The following DRC7 variants were observed in gnomAD, a reference collection of about 807,000 sequenced individuals.
DRC7 encodes the protein dynein regulatory complex subunit 7, also known as coiled-coil domain containing 135.
A neutral mutation model predicts 104.4 loss-of-function variants in DRC7; 80 were observed. The observed-to-expected ratio is 0.77, with a 90% confidence interval of 0.64 to 0.92. The LOEUF is 0.92. Ranked by LOEUF, DRC7 falls within the 40% of genes least tolerant of loss-of-function variation. The probability of loss-of-function intolerance (pLI) is 0.00; values close to 1 mark genes in which losing one functional copy is unlikely to be tolerated. For missense variants in DRC7, 1,034 were observed against 1,141.1 expected (o/e 0.91, Z 1.35); for synonymous variants, 405 against 447.3 (o/e 0.91, Z 1.19).
intron 3 of DRC7, among the ~76,000 whole-genome samples, chr16:57,698,501 A>G (rs746072865): frequency 4.6e-5 from 7 of 151,032 alleles, no homozygotes; most frequent in Non-Finnish European, 8.9e-5. Flanking sequence ...AGCCCGGGCA[A>G]CATAGCAAGA....
intron 1 of DRC7, among the ~76,000 whole-genome samples, chr16:57,696,002 G>C (rs756719920): frequency 1.3e-5 from 2 of 152,228 alleles, no homozygotes; most frequent in African/African-American, 4.8e-5. Context: ...GGAAGTGGGG[G>C]ATGATTAGAA....
chr16:57,702,865 A>C (rs1429572340), intron 6 of DRC7, among the ~76,000 whole-genome samples: 6 of 152,044 alleles, frequency 3.9e-5, no homozygotes, highest in Non-Finnish European at 8.8e-5. Flanking sequence ...TCTCAGTCCC[A>C]CACTCCCGAG....
chr16:57,728,381 C>T lies in DRC7; in HGVS notation c.2197-9C>T, dbSNP rs752606379. On this transcript the variant is annotated splice_polypyrimidine_tract_variant and intron_variant, in intron 16 of 18. Transcript: ENST00000360716. ...TGCTGATCCAGCTATCTGCCCCTCACCTTTACAGGAGCGCATGATGCACGA... is the reference window on the plus strand; with the variant it reads ...TGCTGATCCAGCTATCTGCCCCTCATCTTTACAGGAGCGCATGATGCACGA... The T allele has an allele frequency of 1.9e-6, 3 of 1,578,750 alleles. No homozygotes were observed. The highest frequency in any genetic ancestry group is 4.5e-5 in the East Asian group (2 of 44,142).
chr16:57,724,651 G>A lies in DRC7; in HGVS notation c.1574G>A (p.Arg525His), dbSNP rs747932271. The A allele has an allele frequency of 5.3e-5, 86 of 1,613,656 alleles. No homozygotes were observed. Among genetic ancestry groups the A allele is most frequent in the Non-Finnish European group, 6.7e-5 (79 of 1,179,920 alleles). The change falls in exon 13 of 19, where the codon CGT becomes CAT. Residue 525 changes from arginine (R) to histidine (H), a missense_variant. Physicochemically the swap from Arg to His is conservative, Grantham distance 29 (BLOSUM62 0). Coordinates refer to ENST00000360716, the MANE Select transcript of DRC7 (RefSeq NM_001289162.2). ...AAGTCCATGCAACCTGAGATGGACC[G>A]TGTCATTGAGTTTTATGAAACGGCC... The part of the protein sequence containing the change: ...SYKSMQPEMD[R>H]VIEFYETARV...
In DRC7 at chr16:57,724,850, G is replaced by A. The variant is rs759132262; in HGVS notation, c.1758+15G>A. The A allele has an allele frequency of 2.5e-6, 4 of 1,602,578 alleles. No homozygotes were observed. Among genetic ancestry groups the A allele is most frequent in the Non-Finnish European group, 3.4e-6 (4 of 1,173,216 alleles). ...GGCCCATTGTGGTAAGAGCTCGCGG[G>A]GGCTGGGGACAGGTCGCCCTCCTTC... On this transcript the variant is annotated intron_variant, in intron 13 of 18. Transcript: ENST00000360716.
At chr16:57,697,859 G>T in intron 2 of DRC7, 54 bp from the exon 3 acceptor site, 1 of 1,530,374 alleles carries the variant, frequency 6.5e-7, no homozygotes, top group Non-Finnish European at 8.8e-7. Context: ...TGGTGTTGGT[G>T]GCTCCTGCCT....
chr16:57,707,828 A>G (rs1448275423), intron 8 of DRC7, 150 bp downstream of exon 8: 6 of 670,684 alleles, frequency 8.9e-6, no homozygotes, highest in Non-Finnish European at 1.6e-5. Flanking sequence ...TCCATGGCCC[A>G]CTCCCTTGCC....
intron 16 of DRC7, among the ~76,000 whole-genome samples, chr16:57,727,903 T>C (rs1447522531): frequency 6.6e-6 from 1 of 152,240 alleles, no homozygotes; most frequent in Non-Finnish European, 1.5e-5. Context: ...GGGCATCAGA[T>C]GACTGTTCTC....
chr16:57,699,553 G>C (rs545189069), intron 4 of DRC7, among the ~76,000 whole-genome samples: 1 of 152,178 alleles, frequency 6.6e-6, no homozygotes, highest in Non-Finnish European at 1.5e-5. Flanking sequence ...AAAAGCCAGA[G>C]CTTAGGTTCT....
rs2049053064 is a variant in DRC7, at chr16:57,730,793, G to A, written c.2392-138G>A. On this transcript the variant is annotated intron_variant, in intron 17 of 18. Coordinates refer to ENST00000360716, the MANE Select transcript of DRC7 (RefSeq NM_001289162.2). The stretch of plus-strand genomic sequence containing the variant: ...TGGCCCCTGCCTCTGTGGCAGGTAT[G>A]GATAGGTGGCTTGTGTGAGTGGGGA... 4 of 864,278 alleles carry A rather than the reference G, an allele frequency of 4.6e-6. No homozygotes were observed. In the Admixed American group the frequency reaches 9.8e-5, roughly 21 times the overall value. 53.5% of individuals were successfully genotyped at this position (864,278 alleles called of 1,614,324 possible).
chr16:57,703,930 G>GCA (rs1402077959), intron 6 of DRC7, among the ~76,000 whole-genome samples: 2 of 126,506 alleles, frequency 1.6e-5, no homozygotes, highest in African/African-American at 6.2e-5. Context: ...TCGCACCATT[G>GCA]CACTCCAGCC....
chr16:57,724,936 C>A, intron 13 of DRC7, 101 bp downstream of exon 13: 1 of 840,930 alleles, frequency 1.2e-6, no homozygotes, highest in Non-Finnish European at 1.9e-6. Flanking sequence ...GCATTAAGGC[C>A]TGAGACATAT....
At chr16:57,700,365 G>A (rs1200867407) in intron 5 of DRC7, 95 bp downstream of exon 5, 2 of 1,471,014 alleles carry the variant, frequency 1.4e-6, no homozygotes, top group Non-Finnish European at 1.8e-6. Flanking sequence ...AATGGACTTA[G>A]AGGCCGGGCG....
intron 10 of DRC7, among the ~76,000 whole-genome samples, 160 bp downstream of exon 10, chr16:57,721,899 C>T (rs552432003): frequency 1.3e-5 from 2 of 152,026 alleles, no homozygotes; most frequent in Non-Finnish European, 2.9e-5. Context: ...TCCCTCCCCC[C>T]TTCCTGCCAC....
In DRC7 at chr16:57,707,333, G is replaced by A. The variant is rs145474624; in HGVS notation, c.859-127G>A. On this transcript the variant is annotated intron_variant, in intron 7 of 18. Transcript: ENST00000360716. ...GAGGGGAGATGGGCCGTCACACTCC[G>A]GTTGATGGTGCAGTCTACATCAGAA... 6.0e-4 allele frequency: 472 copies of A among 781,510 alleles called. 2 individuals are homozygous for A. The East Asian group carries it at 9.9e-3, about 16-fold the overall frequency. 48.4% of individuals were successfully genotyped at this position (781,510 alleles called of 1,614,324 possible). A position where few individuals can be genotyped will look rare whatever the true frequency, so the allele number is the denominator to read the frequency against.
chr16:57,712,664 TTTTTGTTTTG>T (rs386791145), intron 8 of DRC7, among the ~76,000 whole-genome samples: 5 of 134,928 alleles, frequency 3.7e-5, no homozygotes, highest in African/African-American at 6.1e-5. Context: ...CTAAGACTGT[TTTTTGTTTTG>T]TTTTTTTTTT....
intron 4 of DRC7, among the ~76,000 whole-genome samples, 164 bp downstream of exon 4, chr16:57,699,188 G>A (rs968206233): frequency 6.6e-6 from 1 of 152,222 alleles, no homozygotes; most frequent in Admixed American, 6.5e-5. Flanking sequence ...ACGCCAGCAG[G>A]CCTCAGCAGG....
intron 7 of DRC7, among the ~76,000 whole-genome samples, chr16:57,706,600 A>C (rs1597798197): frequency 5.3e-5 from 3 of 56,952 alleles, no homozygotes; most frequent in Admixed American, 2.2e-4. Context: ...CCATCCGTCC[A>C]TCCTCCCACC....
Position 57,722,815 on chromosome 16 carries a change from G to T in DRC7, c.1382G>T (p.Arg461Leu). 4 of 1,613,810 alleles carry T rather than the reference G, an allele frequency of 2.5e-6. No homozygotes were observed. The highest frequency in any genetic ancestry group is 3.4e-6 in the Non-Finnish European group (4 of 1,180,010). Residue 461 changes from arginine to leucine, a missense_variant, in exon 11 of 19, where the codon CGC (arginine) becomes CTC (leucine). Coordinates refer to ENST00000360716, the MANE Select transcript of DRC7 (RefSeq NM_001289162.2). ...PYLNSNGLVS[R>L]LTTYEDLQCT... Reference sequence around the variant, plus strand: ...CTCAATAGCAATGGCCTTGTGAGCCGCCTCACCACCTATGAGGACTTGCAG... The same window carrying T: ...CTCAATAGCAATGGCCTTGTGAGCCTCCTCACCACCTATGAGGACTTGCAG...
Sources: allele counts gnomAD v4.1 joint callset (sites outside exome capture counted in the v4.1 genomes callset), GRCh38; gene constraint gnomAD v4.1.1; transcripts MANE v1.5; gene names NCBI Gene and HGNC (gene_info 2026-07-23, HGNC 2026-07-21).